The following ITPRID2 variants were observed in gnomAD, a reference collection of about 807,000 sequenced individuals.
ITPRID2 encodes the protein ITPR interacting domain containing 2.
A neutral mutation model predicts 124.3 loss-of-function variants in ITPRID2; 60 were observed. That is an observed-to-expected ratio of 0.48 (90% CI 0.39 to 0.60). ITPRID2 has a LOEUF of 0.60. Among genes scored for constraint, ITPRID2 ranks in the 20% least tolerant of loss-of-function variants. The pLI is 0.00. For missense variants in ITPRID2, 1,553 were observed against 1,512.2 expected (o/e 1.03, Z -0.45); for synonymous variants, 521 against 542.9 (o/e 0.96, Z 0.56).
intron 8 of ITPRID2, among the ~76,000 whole-genome samples, chr2:181,909,697 T>C (rs1259030548): frequency 6.6e-6 from 1 of 152,188 alleles, no homozygotes; most frequent in African/African-American, 2.4e-5. Context: ...TTGAGTGCTG[T>C]TGTTAACTGG....
intron 8 of ITPRID2, among the ~76,000 whole-genome samples, chr2:181,903,536 T>G (rs779187086): frequency 2.0e-5 from 3 of 152,068 alleles, no homozygotes; most frequent in Non-Finnish European, 4.4e-5. Flanking sequence ...TCCCTCAGAT[T>G]AGTGAAGATT....
At chr2:181,899,644 T>A (rs1293949403) in intron 6 of ITPRID2, among the ~76,000 whole-genome samples, 1 of 152,144 alleles carries the variant, frequency 6.6e-6, no homozygotes, top group Non-Finnish European at 1.5e-5. Context: ...AAGACCAGCC[T>A]GAGCAATATG....
chr2:181,920,721 T>C, intron 15 of ITPRID2, 59 bp downstream of exon 15: 1 of 1,188,904 alleles, frequency 8.4e-7, no homozygotes. Context: ...TTCAGACACA[T>C]AGTTTCCCTA....
chr2:181,892,004 G>T lies in ITPRID2; in HGVS notation c.-63G>T, dbSNP rs924188270. 9 of 1,504,386 alleles carry T rather than the reference G, an allele frequency of 6.0e-6. No individual in the cohort carries two copies. The highest frequency in any genetic ancestry group is 2.5e-5 in the South Asian group (2 of 79,806). The allele number at this position is 1,504,386 out of a possible 1,614,324, so 93.2% of individuals were successfully genotyped here. ...CCGGGCGCTGACAGCAAGGGCGGGG[G>T]TCCCTGCCGCCGCCTTGTCTCGCGC... On this transcript the variant is annotated 5_prime_UTR_variant, in exon 1 of 18. Coordinates refer to ENST00000431877, the MANE Select transcript of ITPRID2 (RefSeq NM_001130445.3). The surrounding 1 kb of genome is among the most constrained non-coding windows in gnomAD (Gnocchi z 5.2).
rs1279480970 is a variant in ITPRID2 at position 181,892,099 on chromosome 2, G to A, written c.33G>A (p.Ala11=). 1.3e-6 allele frequency: 2 copies of A among 1,557,004 alleles called. No homozygotes were observed. The highest frequency in any genetic ancestry group is 1.4e-5 in the African/African-American group (1 of 73,500). MDRPLSSSAE[A]EEELEWQVAS... The stretch of plus-strand genomic sequence containing the variant: ...GGCCCCTGTCGTCGTCGGCGGAGGC[G>A]GAGGAGGAACTGGAGTGGCAAGTGG... Residue 11 remains alanine (A), a synonymous_variant, in exon 1 of 18, where the codon GCG becomes GCA. Transcript: ENST00000431877. This position sits in a 1 kb window ranked among gnomAD's most constrained non-coding sequence, Gnocchi z 5.2.
rs1354720241 is a variant in ITPRID2 at position 181,892,693 on chromosome 2, G to A, written c.257+33G>A. The A allele has an allele frequency of 8.7e-6, 14 of 1,613,554 alleles. No homozygotes were observed. The highest frequency in any genetic ancestry group is 1.3e-5 in the African/African-American group (1 of 75,042). ...CTCCCTGGTCCGCCCGCGTCCCGGG[G>A]GAGATCCGTGCGGACGGGACGCCGG... On this transcript the variant is annotated intron_variant, in intron 2 of 17. Transcript: ENST00000431877. The surrounding 1 kb of genome is among the most constrained non-coding windows in gnomAD (Gnocchi z 5.2).
chr2:181,896,179 T>C lies in ITPRID2; in HGVS notation c.307+100T>C, dbSNP rs1313656409. 7.5e-6 allele frequency: 8 copies of C among 1,061,948 alleles called. No individual in the cohort carries two copies. The highest frequency in any genetic ancestry group is 6.3e-5 in the African/African-American group (4 of 63,214). 65.8% of individuals were successfully genotyped at this position (1,061,948 alleles called of 1,614,324 possible). A position where few individuals can be genotyped will look rare whatever the true frequency, so the allele number is the denominator to read the frequency against. ...ATATGACTTATAAAAGTGATATTCA[T>C]GTTTATAGTATATGCTATTCTGAGC... On this transcript the variant is annotated intron_variant, in intron 3 of 17. Coordinates refer to ENST00000431877, the MANE Select transcript of ITPRID2 (RefSeq NM_001130445.3). This position sits in a 1 kb window ranked among gnomAD's most constrained non-coding sequence, Gnocchi z 4.3.
intron 7 of ITPRID2, among the ~76,000 whole-genome samples, chr2:181,901,388 G>A (rs1335030038): frequency 6.6e-6 from 1 of 152,070 alleles, no homozygotes; most frequent in African/African-American, 2.4e-5. Flanking sequence ...CTGCAAATTA[G>A]GTATAAAATA....
At chr2:181,911,665 C>A (rs1693617328) in intron 9 of ITPRID2, among the ~76,000 whole-genome samples, 1 of 151,962 alleles carries the variant, frequency 6.6e-6, no homozygotes, top group South Asian at 2.1e-4. Flanking sequence ...TTTTATAGTT[C>A]CATCTTTTTC....
At chr2:181,918,267 T>C (rs760952178) in intron 11 of ITPRID2, 9 of 1,066,454 alleles carry the variant, frequency 8.4e-6, no homozygotes, top group African/African-American at 1.7e-5. Context: ...TATAATCTCA[T>C]GATGATATTT....
Position 181,918,601 on chromosome 2 carries a change from C to T in ITPRID2, c.2791C>T (p.Pro931Ser). 1 of 1,613,492 alleles carries T rather than the reference C, an allele frequency of 6.2e-7. No individual in the cohort carries two copies. The highest frequency in any genetic ancestry group is 1.1e-5 in the South Asian group (1 of 91,028). The change falls in exon 12 of 18, where the codon CCT (proline) becomes TCT (serine). Residue 931 changes from proline (P) to serine (S), a missense_variant. Physicochemically the swap from Pro to Ser is moderately conservative, Grantham distance 74. Coordinates refer to ENST00000431877, the MANE Select transcript of ITPRID2 (RefSeq NM_001130445.3). ...RNSLQNLSQY[P>S]MMRGPDPAAA... The stretch of plus-strand genomic sequence containing the variant: ...TCCTACTTTTACTTTTTTGAAGTAC[C>T]CTATGATGAGAGGACCTGATCCTGC...
At position 181,902,329 on chromosome 2, in the gene ITPRID2, C is replaced by T; in HGVS notation, c.1276C>T (p.His426Tyr). The stretch of plus-strand genomic sequence containing the variant: ...AGATAGTGATTTCAACATATCCAGC[C>T]ACAGTGAGCTGGAAAATAGCAGTGA... ...KLDSDFNISSHSELENSSELK... is the reference protein window; with the variant it reads ...KLDSDFNISSYSELENSSELK... The change falls in exon 8 of 18, where the codon CAC becomes TAC. Residue 426 changes from histidine (H) to tyrosine (Y), a missense_variant. Physicochemically the swap from His to Tyr is moderately conservative, Grantham distance 83. Transcript: ENST00000431877. The surrounding 1 kb of genome is among the most constrained non-coding windows in gnomAD (Gnocchi z 4.4). The T allele has an allele frequency of 2.5e-6, 4 of 1,613,754 alleles. No individual in the cohort carries two copies. Among genetic ancestry groups the T allele is most frequent in the Non-Finnish European group, 3.4e-6 (4 of 1,179,776 alleles).
At chr2:181,900,637 G>A (rs1472751500) in intron 6 of ITPRID2, 59 bp from the exon 7 acceptor site, 8 of 1,197,018 alleles carry the variant, frequency 6.7e-6, no homozygotes, top group Admixed American at 4.2e-5. Context: ...ATAATGTGGT[G>A]TGGACTATCA....
rs745559473 is a variant in ITPRID2 at position 181,915,424 on chromosome 2, A to G, written c.1784A>G (p.Asp595Gly). The G allele has an allele frequency of 1.2e-6, 2 of 1,614,164 alleles. No individual in the cohort carries two copies. The highest frequency in any genetic ancestry group is 1.7e-5 in the Admixed American group (1 of 60,022). Reference protein sequence around the residue: ...VADKRKSGSQDFPQCNTIENT... With the variant: ...VADKRKSGSQGFPQCNTIENT... Reference sequence around the variant, plus strand: ...GACAAAAGAAAATCAGGTAGCCAGGATTTCCCTCAGTGCAACACCATTGAG... The same window carrying G: ...GACAAAAGAAAATCAGGTAGCCAGGGTTTCCCTCAGTGCAACACCATTGAG... Residue 595 changes from aspartate to glycine, a missense_variant, in exon 11 of 18, where the codon GAT (aspartate) becomes GGT (glycine). Physicochemically the swap from Asp to Gly is moderately conservative, Grantham distance 94. Coordinates refer to ENST00000431877, the MANE Select transcript of ITPRID2 (RefSeq NM_001130445.3).
chr2:181,915,189 A>G (rs900546677), intron 10 of ITPRID2, 27 bp from the exon 11 acceptor site: 10 of 1,595,564 alleles, frequency 6.3e-6, no homozygotes, highest in African/African-American at 4.1e-5. Flanking sequence ...TATATTCTTC[A>G]TCTTTCCACC....
rs964976741 is a variant in ITPRID2, at chr2:181,896,373, T to C, written c.307+294T>C. Reference sequence around the variant, plus strand: ...TATGCAAATATAAGGAAAATACTTATTGAGTGAACAAAAGTTTAGTCAACT... The same window carrying C: ...TATGCAAATATAAGGAAAATACTTACTGAGTGAACAAAAGTTTAGTCAACT... On this transcript the variant is annotated intron_variant, in intron 3 of 17. Transcript: ENST00000431877. This position sits in a 1 kb window ranked among gnomAD's most constrained non-coding sequence, Gnocchi z 4.3. Among the ~76,000 whole-genome samples, 1 of 151,962 alleles carries C rather than the reference T, an allele frequency of 6.6e-6. No homozygotes were observed. The highest frequency in any genetic ancestry group is 1.5e-5 in the Non-Finnish European group (1 of 67,848).
At chr2:181,894,425 A>G (rs1692019720) in intron 2 of ITPRID2, 1 of 152,192 alleles carries the variant, frequency 6.6e-6, no homozygotes, top group African/African-American at 2.4e-5. Flanking sequence ...TCTACACAAG[A>G]GTGGCATTCA....
Position 181,915,358 on chromosome 2 carries a change from T to G in ITPRID2, c.1718T>G (p.Val573Gly). Residue 573 changes from valine (V) to glycine (G), a missense_variant, in exon 11 of 18, where the codon GTC becomes GGC. Physicochemically the swap from Val to Gly is moderately radical, Grantham distance 109. Transcript: ENST00000431877. ...YFNESEEESLVPLQKGLEKAA... is the reference protein window; with the variant it reads ...YFNESEEESLGPLQKGLEKAA... ...AATGAATCAGAGGAGGAGTCTCTTG[T>G]CCCTCTTCAGAAGGGACTAGAGAAG... 1.2e-6 allele frequency: 2 copies of G among 1,614,092 alleles called. No individual in the cohort carries two copies. Among genetic ancestry groups the G allele is most frequent in the Non-Finnish European group, 1.7e-6 (2 of 1,180,032 alleles).
At chr2:181,893,440 TAATATTTTGTTCA>T (rs1691926373) in intron 2 of ITPRID2, 1 of 152,238 alleles carries the variant, frequency 6.6e-6, no homozygotes, top group Non-Finnish European at 1.5e-5. Context: ...TAGATTTTCT[TAATATTTTGTTCA>T]AATATTAGAG....
Sources: gnomAD v4.1 joint callset for allele counts (sites outside exome capture counted in the v4.1 genomes callset) on GRCh38, gnomAD v4.1.1 for gene constraint, Gnocchi (gnomAD v3.1) non-coding constraint, MANE v1.5 for transcripts, NCBI Gene and HGNC (gene_info 2026-07-23, HGNC 2026-07-21) for gene names.